BEND5: variants seen among roughly 807,000 people sequenced by gnomAD.
BEND5 encodes the protein BEN domain-containing protein 5.
BEND5 carries 22 observed loss-of-function variants against 43.9 expected under a neutral mutation model. That is an observed-to-expected ratio of 0.50 (90% CI 0.36 to 0.72). The LOEUF is 0.72. Among genes scored for constraint, BEND5 ranks in the 30% least tolerant of loss-of-function variants. The pLI is 0.00. For missense variants in BEND5, 428 were observed against 550.6 expected, an observed-to-expected ratio of 0.78 and a Z score of 2.23; for synonymous variants, 228 against 225.9, an observed-to-expected ratio of 1.01 and a Z score of -0.08.
chr1:48,762,005 G>A (rs1389609070), intron 1 of BEND5, among the ~76,000 whole-genome samples: 3 of 152,134 alleles, frequency 2.0e-5, no homozygotes, highest in Non-Finnish European at 2.9e-5. Flanking sequence ...TAAGGCAGAC[G>A]GGAGAAGAAT....
chr1:48,766,756 T>C (rs1296412953), intron 1 of BEND5, among the ~76,000 whole-genome samples: 3 of 152,230 alleles, frequency 2.0e-5, no homozygotes, highest in Admixed American at 6.5e-5. Flanking sequence ...GGCTCCATCC[T>C]AATACTTACC....
At chr1:48,740,574 G>A (rs1305720566) in intron 4 of BEND5, among the ~76,000 whole-genome samples, 2 of 152,204 alleles carry the variant, frequency 1.3e-5, no homozygotes, top group Admixed American at 6.5e-5. Context: ...TTTGACCAAA[G>A]TGTTAGTGTT....
At chr1:48,761,504 T>C (rs1236580290) in intron 1 of BEND5, 34 bp from the exon 2 acceptor site, 17 of 1,538,524 alleles carry the variant, frequency 1.1e-5, no homozygotes, top group Non-Finnish European at 1.4e-5. Flanking sequence ...AGGTTCATCA[T>C]GAGTTAAAAT....
At chr1:48,748,756 G>C (rs1426495769) in intron 3 of BEND5, among the ~76,000 whole-genome samples, 2 of 152,164 alleles carry the variant, frequency 1.3e-5, no homozygotes, top group African/African-American at 2.4e-5. Context: ...AAGGCTTCAG[G>C]AAAGTGGTGA....
At chr1:48,731,073 G>A (rs1432062379) in intron 5 of BEND5, among the ~76,000 whole-genome samples, 1 of 152,088 alleles carries the variant, frequency 6.6e-6, no homozygotes, top group East Asian at 1.9e-4. Context: ...GAGCATAAAG[G>A]CTTTTCTATT....
intron 5 of BEND5, among the ~76,000 whole-genome samples, chr1:48,735,005 C>G (rs1311810989): frequency 6.6e-6 from 1 of 152,242 alleles, no homozygotes; most frequent in East Asian, 1.9e-4. Context: ...GCTGTATAAC[C>G]TGGTCAAGTT....
chr1:48,736,155 T>A lies in BEND5; in HGVS notation c.1108+84A>T. 1 of 1,447,100 alleles carries A rather than the reference T, an allele frequency of 6.9e-7. No homozygotes were observed. Among genetic ancestry groups the A allele is most frequent in the Non-Finnish European group, 9.7e-7 (1 of 1,034,206 alleles). The allele number at this position is 1,447,100 out of a possible 1,614,324, so 89.6% of individuals were successfully genotyped here. On this transcript the variant is annotated intron_variant, in intron 5 of 5. Transcript: ENST00000371833. The surrounding 1 kb of genome is among the most constrained non-coding windows in gnomAD (Gnocchi z 4.0). The stretch of plus-strand genomic sequence containing the variant: ...TGGCATGCAGAAGCTTCATAAGTAA[T>A]CGTTGAATTGAATTGTGCCTAACAC...
At chr1:48,775,709 A>C (rs1165714194) in intron 1 of BEND5, among the ~76,000 whole-genome samples, 1 of 152,150 alleles carries the variant, frequency 6.6e-6, no homozygotes, top group African/African-American at 2.4e-5. Context: ...GAAGAACTGG[A>C]GCATAGGAGG....
At chr1:48,750,533 G>A (rs1020711349) in intron 3 of BEND5, among the ~76,000 whole-genome samples, 2 of 152,230 alleles carry the variant, frequency 1.3e-5, no homozygotes, top group Non-Finnish European at 2.9e-5. Flanking sequence ...CTGAGAGCTC[G>A]GGACCAAAGT....
At position 48,739,151 on chromosome 1, in the gene BEND5, C is replaced by T. The variant is rs182480497; in HGVS notation, c.895-2699G>A. Among the ~76,000 whole-genome samples, 5 of 152,348 alleles carry T rather than the reference C, an allele frequency of 3.3e-5. No homozygotes were observed. In the East Asian group the frequency reaches 9.6e-4, roughly 29 times the overall value. On this transcript the variant is annotated intron_variant, in intron 4 of 5. Transcript: ENST00000371833. Reference sequence around the variant, plus strand: ...TCTGCCTGGCTACTTCCCACACCAGCTCCCAGTGCAGTTCACCACTGCAGA... The same window carrying T: ...TCTGCCTGGCTACTTCCCACACCAGTTCCCAGTGCAGTTCACCACTGCAGA...
chr1:48,776,616 C>T lies in BEND5; in HGVS notation c.216G>A (p.Leu72=). Residue 72 remains leucine (L), a synonymous_variant, in exon 1 of 6, where the codon CTG becomes CTA. Coordinates refer to ENST00000371833, the MANE Select transcript of BEND5 (RefSeq NM_024603.4). ...GALLLHKAQI[L]ALAEDKSDLE... ...CGCCCGCTTGCTCACCTGCCAGCGC[C>T]AGGATCTGGGCCTTGTGGAGCAACA... The T allele has an allele frequency of 1.4e-6, 2 of 1,444,860 alleles. No homozygotes were observed. The highest frequency in any genetic ancestry group is 1.8e-6 in the Non-Finnish European group (2 of 1,103,734). 89.5% of individuals were successfully genotyped at this position (1,444,860 alleles called of 1,614,324 possible). A position where few individuals can be genotyped will look rare whatever the true frequency, so the allele number is the denominator to read the frequency against.
At chr1:48,769,570 C>CACACACACACACA (rs34256470) in intron 1 of BEND5, among the ~76,000 whole-genome samples, 7 of 142,384 alleles carry the variant, frequency 4.9e-5, no homozygotes, top group African/African-American at 2.0e-4. Flanking sequence ...CACACACACA[C>CACACACACACACA]AAGTTAAATT....
intron 4 of BEND5, among the ~76,000 whole-genome samples, chr1:48,739,127 C>G (rs1649518413): frequency 6.6e-6 from 1 of 152,204 alleles, no homozygotes; most frequent in Non-Finnish European, 1.5e-5. Flanking sequence ...TCCTCTGTAT[C>G]TGCCTGGCTA....
intron 5 of BEND5, among the ~76,000 whole-genome samples, chr1:48,728,262 C>T (rs952746743): frequency 6.6e-5 from 10 of 152,140 alleles, no homozygotes; most frequent in African/African-American, 2.2e-4. Context: ...AAAGTGTCCA[C>T]GTGTCCACCA....
intron 3 of BEND5, among the ~76,000 whole-genome samples, chr1:48,749,777 C>T (rs1050124028): frequency 6.6e-6 from 1 of 152,222 alleles, no homozygotes; most frequent in Admixed American, 6.5e-5. Context: ...GGTTCTTCTA[C>T]TTCTCTCCTG....
chr1:48,733,380 G>A (rs1648468499), intron 5 of BEND5, among the ~76,000 whole-genome samples: 1 of 152,156 alleles, frequency 6.6e-6, no homozygotes, highest in Non-Finnish European at 1.5e-5. Context: ...GAAAATGGAG[G>A]ACATAGTTAA....
intron 5 of BEND5, among the ~76,000 whole-genome samples, chr1:48,734,983 C>T (rs1377247842): frequency 6.6e-6 from 1 of 152,206 alleles, no homozygotes; most frequent in Admixed American, 6.5e-5. Flanking sequence ...GTTCCTGGCT[C>T]TCCTCCCACT....
intron 1 of BEND5, among the ~76,000 whole-genome samples, chr1:48,766,525 A>C (rs1364543265): frequency 6.6e-6 from 1 of 152,230 alleles, no homozygotes; most frequent in Non-Finnish European, 1.5e-5. Flanking sequence ...AACCATCACC[A>C]GGCACAACAG....
intron 4 of BEND5, among the ~76,000 whole-genome samples, chr1:48,741,294 A>G (rs146294996): frequency 4.6e-4 from 70 of 152,356 alleles, no homozygotes; most frequent in African/African-American, 1.5e-3. Flanking sequence ...GAGAGCATCA[A>G]TCCAATCCCA....
Sources: gnomAD v4.1 joint callset for allele counts (sites outside exome capture counted in the v4.1 genomes callset) on GRCh38, gnomAD v4.1.1 for gene constraint, Gnocchi (gnomAD v3.1) non-coding constraint, MANE v1.5 for transcripts, NCBI Gene and HGNC (gene_info 2026-07-23, HGNC 2026-07-21) for gene names.